The following BTNL8 variants were observed in gnomAD, a reference collection of about 807,000 sequenced individuals.
The protein encoded by BTNL8 is butyrophilin like 8.
BTNL8 carries 22 observed loss-of-function variants against 36.1 expected under a neutral mutation model. The ratio of observed to expected loss-of-function variants is 0.61; its 90% CI spans 0.44 to 0.87. The LOEUF (loss-of-function observed/expected upper bound fraction) is 0.87. BTNL8 is among the 40% of genes least tolerant of loss of function. The pLI, the probability that BTNL8 is intolerant of heterozygous loss-of-function variation, is 0.00. For missense variants in BTNL8, 526 were observed against 616.9 expected (o/e 0.85, Z 1.56); for synonymous variants, 203 against 235.6 (o/e 0.86, Z 1.27).
chr5:180,944,824 A>G (rs1379236533), intron 3 of BTNL8, among the ~76,000 whole-genome samples: 3 of 152,222 alleles, frequency 2.0e-5, no homozygotes, highest in Non-Finnish European at 4.4e-5. Context: ...TAAAAAACTG[A>G]ACACAAATAA....
intron 3 of BTNL8, among the ~76,000 whole-genome samples, chr5:180,937,540 A>C (rs1758718224): frequency 6.6e-6 from 1 of 152,258 alleles, no homozygotes; most frequent in Admixed American, 6.5e-5. Context: ...AATAAAAAAA[A>C]GAAGCCCCAA....
chr5:180,927,471 G>A (rs542547660), intron 3 of BTNL8, among the ~76,000 whole-genome samples: 273 of 152,262 alleles, frequency 1.8e-3, no homozygotes, highest in African/African-American at 6.3e-3. Context: ...AAACCGGATG[G>A]AGAATGAGTT....
At chr5:180,911,672 G>C (rs1421658111) in intron 3 of BTNL8, 58 bp downstream of exon 3, 2 of 1,473,696 alleles carry the variant, frequency 1.4e-6, no homozygotes, top group Non-Finnish European at 1.8e-6. Flanking sequence ...AACTCAGAGG[G>C]AGGACAGGAG....
chr5:180,947,364 C>A, intron 3 of BTNL8, 148 bp from the exon 4 acceptor site: 17 of 1,132,890 alleles, frequency 1.5e-5, no homozygotes, highest in East Asian at 2.5e-5. Context: ...CATTTTATAA[C>A]AAAAGTACAA....
chr5:180,942,117 A>T (rs915965759), intron 3 of BTNL8, among the ~76,000 whole-genome samples: 3 of 152,154 alleles, frequency 2.0e-5, no homozygotes, highest in African/African-American at 7.2e-5. Context: ...CAAAATCAAC[A>T]TATAAATTCA....
rs564039455 is a variant in BTNL8, at chr5:180,929,094, T to C, written c.673+17480T>C. Among the ~76,000 whole-genome samples the C allele has an allele frequency of 9.9e-5, 15 of 152,120 alleles. No homozygotes were observed. The South Asian group carries it at 3.1e-3, about 32-fold the overall frequency. Reference sequence around the variant, plus strand: ...ACACTCCTCAGCAAATGCAAAAGAATGTAAATCATAACAAACAGCCTCTCG... The same window carrying C: ...ACACTCCTCAGCAAATGCAAAAGAACGTAAATCATAACAAACAGCCTCTCG... On this transcript the variant is annotated intron_variant, in intron 3 of 7. Transcript: ENST00000340184.
At chr5:180,900,271 T>C (rs1269865498) in intron 1 of BTNL8, among the ~76,000 whole-genome samples, 1 of 152,234 alleles carries the variant, frequency 6.6e-6, no homozygotes, top group Non-Finnish European at 1.5e-5. Context: ...ATTTTATTTT[T>C]AAAAACTCTT....
At chr5:180,923,934 T>A (rs981105860) in intron 3 of BTNL8, among the ~76,000 whole-genome samples, 2 of 152,216 alleles carry the variant, frequency 1.3e-5, no homozygotes, top group African/African-American at 4.8e-5. Context: ...TTTTATACTC[T>A]TATTAAGGAT....
chr5:180,912,055 G>A (rs1052373767), intron 3 of BTNL8, among the ~76,000 whole-genome samples: 3 of 152,160 alleles, frequency 2.0e-5, no homozygotes, highest in Admixed American at 1.3e-4. Flanking sequence ...ACAAAGGGTC[G>A]ACCCTCCCCT....
chr5:180,901,302 A>C (rs1449496160), intron 1 of BTNL8, among the ~76,000 whole-genome samples: 1 of 152,214 alleles, frequency 6.6e-6, no homozygotes, highest in Non-Finnish European at 1.5e-5. Context: ...GACAGCACAC[A>C]CAGGTATATC....
At chr5:180,936,374 A>G (rs1328427049) in intron 3 of BTNL8, among the ~76,000 whole-genome samples, 1 of 152,174 alleles carries the variant, frequency 6.6e-6, no homozygotes, top group Non-Finnish European at 1.5e-5. Flanking sequence ...GTATTGGAAA[A>G]GGTAAACAAG....
chr5:180,904,918 T>TTCACA (rs1440551722), intron 1 of BTNL8, among the ~76,000 whole-genome samples: 68 of 152,004 alleles, frequency 4.5e-4, no homozygotes, highest in Admixed American at 1.3e-3. Flanking sequence ...TGCTGCTGGA[T>TTCACA]TCAGTTTGCC....
chr5:180,901,369 GGTGGGTACTTAGAAGGTGAAGGGA>G (rs569431557), intron 1 of BTNL8, among the ~76,000 whole-genome samples: 2,534 of 152,260 alleles, frequency 0.017, 29 homozygotes, highest in Middle Eastern at 0.048. Context: ...AGTCAAAGGG[GGTGGGTACTTAGAAGGTGAAGGGA>G]GTGGGCCTCC....
At chr5:180,939,785 T>C (rs1396388246) in intron 3 of BTNL8, among the ~76,000 whole-genome samples, 1 of 152,216 alleles carries the variant, frequency 6.6e-6, no homozygotes, top group Non-Finnish European at 1.5e-5. Flanking sequence ...AGCTGCAGAA[T>C]ACACATTCTT....
At position 180,929,526 on chromosome 5, in the gene BTNL8, G is replaced by T. The variant is rs745948124; in HGVS notation, c.673+17912G>T. ...TTCAAAACATCAATGAATCCAGGAGGTGGTTTTTTGAAAAGATTAACAAAA... is the reference window on the plus strand; with the variant it reads ...TTCAAAACATCAATGAATCCAGGAGTTGGTTTTTTGAAAAGATTAACAAAA... On this transcript the variant is annotated intron_variant, in intron 3 of 7. Transcript: ENST00000340184. Among the ~76,000 whole-genome samples, 25 of 150,414 alleles carry T rather than the reference G, an allele frequency of 1.7e-4. 1 individual carries two copies. The highest frequency in any genetic ancestry group is 6.6e-5 in the Admixed American group (1 of 15,212).
chr5:180,912,054 C>T lies in BTNL8; in HGVS notation c.673+440C>T, dbSNP rs1159389799. On this transcript the variant is annotated intron_variant, in intron 3 of 7. Transcript: ENST00000340184. ...TGAAGACCTGAATAGAACAAAGGGT[C>T]GACCCTCCCCTGAGTGAGAGAATGA... Among the ~76,000 whole-genome samples, 7 of 152,252 alleles carry T rather than the reference C, an allele frequency of 4.6e-5. No homozygotes were observed. In the South Asian group the frequency reaches 1.0e-3, roughly 23 times the overall value.
chr5:180,949,312 C>T (rs868414931), intron 7 of BTNL8, 47 bp downstream of exon 7: 2 of 1,460,576 alleles, frequency 1.4e-6, no homozygotes, highest in Middle Eastern at 1.7e-4. Context: ...CTCAGGTGGA[C>T]ATGAGAGGGG....
rs541607335 is a variant in BTNL8 at position 180,913,320 on chromosome 5, C to T, written c.673+1706C>T. On this transcript the variant is annotated intron_variant, in intron 3 of 7. Transcript: ENST00000340184. ...CCAAAGAAACTGTAATGGCCTCTTT[C>T]CTGAGGCAGTCACCATGCAAGACAA... Among the ~76,000 whole-genome samples the T allele has an allele frequency of 3.3e-5, 5 of 152,250 alleles. No homozygotes were observed. In the East Asian group the frequency reaches 7.7e-4, roughly 24 times the overall value.
intron 3 of BTNL8, among the ~76,000 whole-genome samples, chr5:180,932,913 A>G (rs568233571): frequency 6.6e-6 from 1 of 152,150 alleles, no homozygotes; most frequent in African/African-American, 2.4e-5. Context: ...TCAACCATAT[A>G]CTACTGTCTA....
Sources: allele counts gnomAD v4.1 joint callset (sites outside exome capture counted in the v4.1 genomes callset), GRCh38; gene constraint gnomAD v4.1.1; transcripts MANE v1.5; gene names NCBI Gene and HGNC (gene_info 2026-07-23, HGNC 2026-07-21).